Variants in GTF2H5 observed in about 807,000 individuals in gnomAD.
GTF2H5 encodes the protein general transcription factor IIH subunit 5, also known as TFB5 ortholog.
A neutral mutation model predicts 7.1 loss-of-function variants in GTF2H5; 5 were observed. The observed-to-expected ratio is 0.71, with a 90% CI of 0.37 to 1.49. The LOEUF is 1.49. GTF2H5 is among the 40% of genes most tolerant of loss of function. The probability of loss-of-function intolerance (pLI) is 0.03; values close to 1 mark genes in which losing one functional copy is unlikely to be tolerated. For synonymous variants in GTF2H5, 30 were observed against 31.7 expected (o/e 0.95, Z 0.18); for missense variants, 80 against 83.0 (o/e 0.96, Z 0.14).
chr6:158,169,838 TACACAC>T (rs34582974), intron 1 of GTF2H5, among the ~76,000 whole-genome samples: 2 of 116,214 alleles, frequency 1.7e-5, no homozygotes, highest in Non-Finnish European at 3.3e-5. Flanking sequence ...TGTATATATA[TACACAC>T]ACACACACAC....
chr6:158,176,088 T>G (rs939722722), intron 2 of GTF2H5, among the ~76,000 whole-genome samples: 2 of 152,232 alleles, frequency 1.3e-5, no homozygotes, highest in African/African-American at 4.8e-5. Flanking sequence ...TGAGATACTT[T>G]GTATCAATTA....
intron 2 of GTF2H5, among the ~76,000 whole-genome samples, chr6:158,173,547 T>C (rs1785885915): frequency 6.6e-6 from 1 of 152,176 alleles, no homozygotes; most frequent in African/African-American, 2.4e-5. Flanking sequence ...ATAATATCCA[T>C]GGATTGTATG....
rs188256209 is a variant in GTF2H5, at chr6:158,183,610, C to A, written c.36-8367C>A. Among the ~76,000 whole-genome samples, 439 of 152,280 alleles carry A rather than the reference C, an allele frequency of 2.9e-3. 4 individuals carry two copies. Among genetic ancestry groups the A allele is most frequent in the African/African-American group, 0.01 (417 of 41,568 alleles). On this transcript the variant is annotated intron_variant, in intron 2 of 2. Coordinates refer to ENST00000607778, the MANE Select transcript of GTF2H5 (RefSeq NM_207118.3). Reference sequence around the variant, plus strand: ...CCGCCTACTCAAGCCTCAGCAATGGCGGTCACCCCTCCCCCCACCAAGCTC... The same window carrying A: ...CCGCCTACTCAAGCCTCAGCAATGGAGGTCACCCCTCCCCCCACCAAGCTC...
chr6:158,169,538 T>TATAATATATTGTATATTAC (rs1554267000), intron 1 of GTF2H5, among the ~76,000 whole-genome samples: 784 of 62,886 alleles, frequency 0.012, 67 homozygotes, highest in East Asian at 0.043. Flanking sequence ...CAGTATATTA[T>TATAATATATTGTATATTAC]ATATAATATA....
chr6:158,180,784 C>T (rs1785999304), intron 2 of GTF2H5, among the ~76,000 whole-genome samples: 1 of 145,334 alleles, frequency 6.9e-6, no homozygotes, highest in Non-Finnish European at 1.5e-5. Context: ...TGCTAGCGGT[C>T]TATCTATTTT....
At chr6:158,178,721 G>A (rs1024327240) in intron 2 of GTF2H5, among the ~76,000 whole-genome samples, 10 of 152,038 alleles carry the variant, frequency 6.6e-5, no homozygotes, top group African/African-American at 2.4e-4. Flanking sequence ...TTGTAAATTT[G>A]TTTAAGTTCT....
intron 2 of GTF2H5, among the ~76,000 whole-genome samples, chr6:158,188,558 C>A (rs928285055): frequency 3.3e-5 from 5 of 152,170 alleles, no homozygotes; most frequent in Admixed American, 2.6e-4. Context: ...TGCTCTTTGT[C>A]AATAATTAAT....
In GTF2H5 at chr6:158,197,829, C is replaced by T. The variant is rs185199534; in HGVS notation, c.*5672C>T. 1.3e-5 allele frequency: 2 copies of T among 152,088 alleles called. No homozygotes were observed. The highest frequency in any genetic ancestry group is 3.9e-4 in the East Asian group (2 of 5,182). 9.4% of individuals were successfully genotyped at this position (152,088 alleles called of 1,614,324 possible). A position where few individuals can be genotyped will look rare whatever the true frequency, so the allele number is the denominator to read the frequency against. Reference sequence around the variant, plus strand: ...CTCCTTCTGACTTCTTTTTGTTTCCCAATCTTAAAAAAATCCCTGAAGGGC... The same window carrying T: ...CTCCTTCTGACTTCTTTTTGTTTCCTAATCTTAAAAAAATCCCTGAAGGGC... On this transcript the variant is annotated 3_prime_UTR_variant, in exon 3 of 3. Transcript: ENST00000607778.
chr6:158,181,136 A>G (rs908380976), intron 2 of GTF2H5, among the ~76,000 whole-genome samples: 1 of 152,192 alleles, frequency 6.6e-6, no homozygotes, highest in African/African-American at 2.4e-5. Flanking sequence ...TTTACCCAGT[A>G]GTCATTCAGG....
intron 2 of GTF2H5, among the ~76,000 whole-genome samples, chr6:158,186,469 T>C (rs1562475131): frequency 1.3e-5 from 2 of 152,288 alleles, no homozygotes; most frequent in South Asian, 2.1e-4. Flanking sequence ...AATGTTTCAA[T>C]GTCCAGTTTG....
At chr6:158,182,950 A>T (rs1035444018) in intron 2 of GTF2H5, among the ~76,000 whole-genome samples, 2 of 151,948 alleles carry the variant, frequency 1.3e-5, no homozygotes, top group Non-Finnish European at 2.9e-5. Context: ...TTGGAAGAGA[A>T]GAGGTGTTCT....
chr6:158,184,800 G>C (rs1305309401), intron 2 of GTF2H5, among the ~76,000 whole-genome samples: 1 of 152,188 alleles, frequency 6.6e-6, no homozygotes, highest in African/African-American at 2.4e-5. Flanking sequence ...TGTCAGTGCT[G>C]ACAGCTTTGA....
chr6:158,186,157 T>TA (rs1488460871), intron 2 of GTF2H5, among the ~76,000 whole-genome samples: 15 of 152,198 alleles, frequency 9.9e-5, no homozygotes, highest in African/African-American at 3.6e-4. Context: ...ACAGAGATGT[T>TA]ACAAGAGATG....
At chr6:158,182,505 G>T (rs1471909256) in intron 2 of GTF2H5, among the ~76,000 whole-genome samples, 1 of 152,124 alleles carries the variant, frequency 6.6e-6, no homozygotes, top group Non-Finnish European at 1.5e-5. Flanking sequence ...GTCACTTTCA[G>T]ATACACCAAT....
intron 2 of GTF2H5, among the ~76,000 whole-genome samples, chr6:158,184,316 AG>A (rs763882402): frequency 6.6e-6 from 1 of 152,100 alleles, no homozygotes; most frequent in Non-Finnish European, 1.5e-5. Flanking sequence ...TAGAAGCCTG[AG>A]AAGTTGAGAG....
intron 2 of GTF2H5, among the ~76,000 whole-genome samples, chr6:158,177,931 T>C (rs1255689938): frequency 6.6e-6 from 1 of 152,194 alleles, no homozygotes; most frequent in Non-Finnish European, 1.5e-5. Context: ...TAGTATTCCG[T>C]GGTGTATATG....
Position 158,176,675 on chromosome 6 carries a change from G to A in GTF2H5, c.35+6137G>A, listed in dbSNP as rs1785939247. Among the ~76,000 whole-genome samples, 3 of 152,300 alleles carry A rather than the reference G, an allele frequency of 2.0e-5. No individual in the cohort carries two copies. The South Asian group carries it at 6.2e-4, about 32-fold the overall frequency. Reference sequence around the variant, plus strand: ...AGCAGCGCTAGAGGAATTAAAGACAGACACACAGAAATATAGAGGTGTGGG... The same window carrying A: ...AGCAGCGCTAGAGGAATTAAAGACAAACACACAGAAATATAGAGGTGTGGG... On this transcript the variant is annotated intron_variant, in intron 2 of 2. Coordinates refer to ENST00000607778, the MANE Select transcript of GTF2H5 (RefSeq NM_207118.3).
intron 2 of GTF2H5, 78 bp from the exon 3 acceptor site, chr6:158,191,899 G>A (rs1777033545): frequency 8.9e-7 from 1 of 1,123,182 alleles, no homozygotes; most frequent in Admixed American, 1.7e-5. Flanking sequence ...AATTCTACAT[G>A]TTCACATTTA....
At chr6:158,168,563 C>A (rs1321507132) in intron 1 of GTF2H5, among the ~76,000 whole-genome samples, 168 bp downstream of exon 1, 4 of 152,202 alleles carry the variant, frequency 2.6e-5, no homozygotes, top group African/African-American at 9.6e-5. Context: ...CGGGGCCGCA[C>A]GGCAGTCCCC....
Sources: allele counts gnomAD v4.1 joint callset (sites outside exome capture counted in the v4.1 genomes callset), GRCh38; gene constraint gnomAD v4.1.1; transcripts MANE v1.5; gene names NCBI Gene and HGNC (gene_info 2026-07-23, HGNC 2026-07-21).